Variants in GRID2 observed in about 807,000 individuals in gnomAD.
GRID2 encodes the protein glutamate ionotropic receptor delta type subunit 2.
Under a neutral mutation model 114.8 loss-of-function variants are expected in GRID2, and 33 were observed. That is an observed-to-expected ratio of 0.29 (90% CI 0.22 to 0.38). GRID2 has a LOEUF of 0.38. Ranked by LOEUF, GRID2 falls within the 10% of genes least tolerant of loss-of-function variation. The pLI, the probability that GRID2 is intolerant of heterozygous loss-of-function variation, is 1.00. For missense variants in GRID2, 1,184 were observed against 1,257.7 expected (o/e 0.94, Z 0.89); for synonymous variants, 505 against 449.9 (o/e 1.12, Z -1.55).
At chr4:93,221,173 A>T (rs1476153177) in intron 6 of GRID2, among the ~76,000 whole-genome samples, 1 of 152,190 alleles carries the variant, frequency 6.6e-6, no homozygotes, top group Non-Finnish European at 1.5e-5. Flanking sequence ...AATGTCTTAC[A>T]CTATTCTCTC....
rs565964376 is a variant in GRID2, at chr4:93,387,891, G to C, written c.1246-7716G>C. The stretch of plus-strand genomic sequence containing the variant: ...CACTTTAATGTGTATTAAGGTTCTT[G>C]TTTAAAAATCATCTAAATTTGTTTA... On this transcript the variant is annotated intron_variant, in intron 8 of 15. Transcript: ENST00000282020. Among the ~76,000 whole-genome samples the C allele has an allele frequency of 7.8e-4, 118 of 150,670 alleles. 1 individual carries two copies. The highest frequency in any genetic ancestry group is 9.4e-4 in the Non-Finnish European group (64 of 67,744).
At chr4:93,428,822 C>T (rs1048770519) in intron 10 of GRID2, among the ~76,000 whole-genome samples, 9 of 152,026 alleles carry the variant, frequency 5.9e-5, no homozygotes, top group Non-Finnish European at 1.0e-4. Context: ...TATGTCAGTG[C>T]CGACGCCCAC....
intron 1 of GRID2, among the ~76,000 whole-genome samples, chr4:92,333,612 T>C (rs1727009876): frequency 6.6e-6 from 1 of 152,216 alleles, no homozygotes; most frequent in African/African-American, 2.4e-5. Flanking sequence ...CTTTTATTTA[T>C]AAATTATATC....
intron 8 of GRID2, among the ~76,000 whole-genome samples, chr4:93,384,115 G>A (rs1020756114): frequency 6.6e-6 from 1 of 152,124 alleles, no homozygotes; most frequent in Non-Finnish European, 1.5e-5. Context: ...TGCAGAAGGG[G>A]TGAACAGTAT....
chr4:93,655,247 A>C (rs891114867), intron 14 of GRID2, among the ~76,000 whole-genome samples: 2 of 152,220 alleles, frequency 1.3e-5, no homozygotes, highest in African/African-American at 4.8e-5. Context: ...ATCAAAAGTA[A>C]ATTATAAAAT....
intron 1 of GRID2, among the ~76,000 whole-genome samples, chr4:92,577,839 A>C (rs1283610204): frequency 6.6e-6 from 1 of 152,080 alleles, no homozygotes; most frequent in East Asian, 1.9e-4. Flanking sequence ...TTGTCAAAGG[A>C]AAAACAATAT....
At chr4:93,075,576 T>C (rs1162200495) in intron 2 of GRID2, among the ~76,000 whole-genome samples, 1 of 152,108 alleles carries the variant, frequency 6.6e-6, no homozygotes, top group African/African-American at 2.4e-5. Flanking sequence ...TAGAAAATCC[T>C]ACAGAAAAGG....
chr4:93,036,372 AC>A (rs1321414836), intron 2 of GRID2, among the ~76,000 whole-genome samples: 1 of 152,054 alleles, frequency 6.6e-6, no homozygotes, highest in Admixed American at 6.6e-5. Context: ...CTCCCCTGCC[AC>A]CCATTTGTGC....
Position 92,911,164 on chromosome 4 carries a change from C to T in GRID2, c.245-173831C>T, listed in dbSNP as rs556418616. On this transcript the variant is annotated intron_variant, in intron 2 of 15. Coordinates refer to ENST00000282020, the MANE Select transcript of GRID2 (RefSeq NM_001510.4). The stretch of plus-strand genomic sequence containing the variant: ...TAATTTTTAACTGCCCACCATGTGC[C>T]GAACAGTGCTAACTAGATGAAGTAT... Among the ~76,000 whole-genome samples, 14 of 151,760 alleles carry T rather than the reference C, an allele frequency of 9.2e-5. 1 individual carries two copies. Among genetic ancestry groups the T allele is most frequent in the Admixed American group, 2.6e-4 (4 of 15,218 alleles).
chr4:93,423,659 G>A (rs1336469432), intron 10 of GRID2, among the ~76,000 whole-genome samples: 1 of 151,948 alleles, frequency 6.6e-6, no homozygotes, highest in Non-Finnish European at 1.5e-5. Flanking sequence ...ATCTAATCAA[G>A]ATAGGTATGT....
At chr4:92,823,201 T>C (rs1741416497) in intron 2 of GRID2, among the ~76,000 whole-genome samples, 1 of 152,116 alleles carries the variant, frequency 6.6e-6, no homozygotes, top group Non-Finnish European at 1.5e-5. Context: ...CACATATATA[T>C]GGAGAAAAGA....
At chr4:92,875,957 G>A (rs1745596815) in intron 2 of GRID2, among the ~76,000 whole-genome samples, 1 of 152,086 alleles carries the variant, frequency 6.6e-6, no homozygotes, top group Admixed American at 6.5e-5. Flanking sequence ...AAGGATATTT[G>A]AACTAGCAGA....
At position 93,701,235 on chromosome 4, in the gene GRID2, A is replaced by T. The variant is rs531529459; in HGVS notation, c.2361-67975A>T. Among the ~76,000 whole-genome samples, 21 of 152,282 alleles carry T rather than the reference A, an allele frequency of 1.4e-4. No homozygotes were observed. The South Asian group carries it at 4.1e-3, about 30-fold the overall frequency. On this transcript the variant is annotated intron_variant, in intron 14 of 15. Coordinates refer to ENST00000282020, the MANE Select transcript of GRID2 (RefSeq NM_001510.4). ...TTACAGGAAAATTGGAAAAGGAATG[A>T]TTTCAAATCAAGAACTTTATTTCTA...
chr4:92,629,457 C>T (rs184824009), intron 2 of GRID2, among the ~76,000 whole-genome samples: 2 of 152,076 alleles, frequency 1.3e-5, no homozygotes, highest in Admixed American at 6.6e-5. Flanking sequence ...GTTTCACAGG[C>T]GACTCCCCTA....
intron 2 of GRID2, among the ~76,000 whole-genome samples, chr4:92,881,487 A>G (rs1442535166): frequency 6.6e-6 from 1 of 152,186 alleles, no homozygotes; most frequent in Non-Finnish European, 1.5e-5. Flanking sequence ...ACAAAAGAAA[A>G]AATATTTCGT....
At chr4:93,656,771 C>T (rs13134787) in intron 14 of GRID2, among the ~76,000 whole-genome samples, 2 of 114,612 alleles carry the variant, frequency 1.7e-5, no homozygotes, top group Non-Finnish European at 3.6e-5. Context: ...CAGAGCTTGC[C>T]GTGAGCCGAG....
intron 8 of GRID2, among the ~76,000 whole-genome samples, chr4:93,324,138 G>A (rs1472412231): frequency 6.6e-6 from 1 of 152,172 alleles, no homozygotes; most frequent in Non-Finnish European, 1.5e-5. Context: ...TTTTCAAAGA[G>A]AGTGCTTCCA....
At chr4:92,535,443 T>C (rs1277239495) in intron 1 of GRID2, among the ~76,000 whole-genome samples, 2 of 152,138 alleles carry the variant, frequency 1.3e-5, no homozygotes, top group African/African-American at 4.8e-5. Context: ...TTTTGGAAAT[T>C]CCAGGGACTA....
intron 2 of GRID2, among the ~76,000 whole-genome samples, chr4:92,643,898 T>A (rs887330657): frequency 6.6e-6 from 1 of 151,976 alleles, no homozygotes; most frequent in African/African-American, 2.4e-5. Flanking sequence ...TCTTTTTCAA[T>A]TGCAAAGTGT....
Sources: gnomAD v4.1 joint callset for allele counts (sites outside exome capture counted in the v4.1 genomes callset) on GRCh38, gnomAD v4.1.1 for gene constraint, MANE v1.5 for transcripts, NCBI Gene and HGNC (gene_info 2026-07-23, HGNC 2026-07-21) for gene names.